Variants in PDE4D observed in about 807,000 individuals in gnomAD.
PDE4D encodes 3',5'-cyclic-AMP phosphodiesterase 4D.
A neutral mutation model predicts 87.4 loss-of-function variants in PDE4D; 24 were observed. The ratio of observed to expected loss-of-function variants is 0.27; its 90% CI spans 0.20 to 0.39. The LOEUF (loss-of-function observed/expected upper bound fraction) is 0.39, where lower values mean the gene tolerates loss of function less well. PDE4D is among the 10% of genes least tolerant of loss of function. The pLI, the probability that PDE4D is intolerant of heterozygous loss-of-function variation, is 1.00. For missense variants in PDE4D, 714 were observed against 1,041.0 expected (o/e 0.69, Z 4.32); for synonymous variants, 384 against 383.2 (o/e 1.00, Z -0.02).
At chr5:59,451,092 C>T (rs1458480735) in intron 1 of PDE4D, among the ~76,000 whole-genome samples, 3 of 152,196 alleles carry the variant, frequency 2.0e-5, no homozygotes, top group African/African-American at 4.8e-5. Context: ...TATGCTCCTA[C>T]TATATGGAAA....
At chr5:60,249,515 G>T (rs1461956787) in intron 1 of PDE4D, among the ~76,000 whole-genome samples, 1 of 151,998 alleles carries the variant, frequency 6.6e-6, no homozygotes, top group Non-Finnish European at 1.5e-5. Context: ...CATGTAGCCT[G>T]CATGCAATAT....
chr5:59,263,979 C>T (rs1388058370), intron 1 of PDE4D, among the ~76,000 whole-genome samples: 1 of 151,814 alleles, frequency 6.6e-6, no homozygotes, highest in Non-Finnish European at 1.5e-5. Context: ...TTTCTGTTTA[C>T]AATATTTATA....
At chr5:59,201,234 AAT>A (rs563290176) in intron 2 of PDE4D, among the ~76,000 whole-genome samples, 1 of 152,272 alleles carries the variant, frequency 6.6e-6, no homozygotes, top group Non-Finnish European at 1.5e-5. Context: ...GACAAAGGTA[AAT>A]ATTAAAATGC....
chr5:59,400,446 A>T (rs1790373466), intron 1 of PDE4D, among the ~76,000 whole-genome samples: 1 of 147,918 alleles, frequency 6.8e-6, no homozygotes. Flanking sequence ...ACATGGATGA[A>T]ATTGGAAATC....
chr5:60,114,180 G>T (rs184577987), intron 2 of PDE4D, among the ~76,000 whole-genome samples: 1 of 152,036 alleles, frequency 6.6e-6, no homozygotes, highest in Admixed American at 6.6e-5. Context: ...GTACACAATG[G>T]ATGTTCACAT....
chr5:59,625,504 T>C (rs890349759), intron 1 of PDE4D, among the ~76,000 whole-genome samples: 1 of 142,078 alleles, frequency 7.0e-6, no homozygotes, highest in Non-Finnish European at 1.5e-5. Flanking sequence ...GCTGCGACAT[T>C]AAAAAAAAAA....
rs143499479 is a variant in PDE4D, at chr5:60,432,020, C to T, written c.-90+55922G>A. 3.0e-4 allele frequency among the ~76,000 whole-genome samples: 45 copies of T among 152,234 alleles called. No homozygotes were observed. The East Asian group carries it at 7.7e-3, about 26-fold the overall frequency. On this transcript the variant is annotated intron_variant, in intron 1 of 16. Transcript: ENST00000502484. ...AGGTTGCAGTGAGCCGAGGTGGCAGCAGTACAGTCCAGCTTCAGCTCGGCA... is the reference window on the plus strand; with the variant it reads ...AGGTTGCAGTGAGCCGAGGTGGCAGTAGTACAGTCCAGCTTCAGCTCGGCA...
intron 1 of PDE4D, among the ~76,000 whole-genome samples, chr5:59,841,187 C>A (rs1251793329): frequency 6.6e-6 from 1 of 152,002 alleles, no homozygotes; most frequent in African/African-American, 2.4e-5. Context: ...TCTTTGCTTT[C>A]TTGATGAAGA....
chr5:59,604,170 A>G (rs1827879601), intron 1 of PDE4D, among the ~76,000 whole-genome samples: 1 of 152,054 alleles, frequency 6.6e-6, no homozygotes, highest in African/African-American at 2.4e-5. Flanking sequence ...TTTTAGTATC[A>G]TCGGACAGAC....
At chr5:59,164,866 A>G (rs984172985) in intron 5 of PDE4D, 13 of 152,110 alleles carry the variant, frequency 8.5e-5, no homozygotes, top group African/African-American at 3.1e-4. Flanking sequence ...GAGATGACAG[A>G]TTTAGAGACA....
intron 1 of PDE4D, among the ~76,000 whole-genome samples, chr5:60,272,487 G>A (rs1463402001): frequency 6.6e-6 from 1 of 152,210 alleles, no homozygotes; most frequent in Non-Finnish European, 1.5e-5. Context: ...GATCACACAG[G>A]TCTGCAGATC....
At chr5:60,174,749 A>G (rs557746940) in intron 2 of PDE4D, among the ~76,000 whole-genome samples, 1 of 152,224 alleles carries the variant, frequency 6.6e-6, no homozygotes, top group South Asian at 2.1e-4. Flanking sequence ...CTTCTTGCTC[A>G]CAACATTTCT....
rs540609265 is a variant in PDE4D at position 59,793,768 on chromosome 5, A to C, written c.455+99400T>G. ...TCTGATCAACACCTGCCTATTCAAC[A>C]TTTATCTATATATGAAATGGCTTTT... On this transcript the variant is annotated intron_variant, in intron 1 of 14. Coordinates refer to ENST00000340635, the MANE Select transcript of PDE4D (RefSeq NM_001104631.2). Among the ~76,000 whole-genome samples the C allele has an allele frequency of 4.3e-4, 65 of 152,354 alleles. 1 individual carries two copies. The South Asian group carries it at 0.013, about 31-fold the overall frequency.
chr5:59,320,892 T>A (rs561437786), intron 1 of PDE4D, among the ~76,000 whole-genome samples: 119 of 152,146 alleles, frequency 7.8e-4, no homozygotes, highest in Middle Eastern at 3.4e-3. Context: ...TTGTTGAAGC[T>A]TTTTGTTGTT....
Position 60,101,691 on chromosome 5 carries a change from G to A in PDE4D, c.42+83866C>T, listed in dbSNP as rs1043289805. 4.6e-5 allele frequency among the ~76,000 whole-genome samples: 7 copies of A among 152,190 alleles called. No individual in the cohort carries two copies. The South Asian group carries it at 1.5e-3, about 32-fold the overall frequency. On this transcript the variant is annotated intron_variant, in intron 2 of 16. Transcript: ENST00000502484. ...GCCTAAGTAGAATCTTAGAAGCTAGGAGCTGAATTCTGAATCATTTAGTGG... is the reference window on the plus strand; with the variant it reads ...GCCTAAGTAGAATCTTAGAAGCTAGAAGCTGAATTCTGAATCATTTAGTGG...
intron 2 of PDE4D, among the ~76,000 whole-genome samples, chr5:59,211,083 A>C (rs964253906): frequency 1.3e-5 from 2 of 152,188 alleles, no homozygotes; most frequent in Non-Finnish European, 2.9e-5. Context: ...ATGTTACTTC[A>C]TGACACCACT....
intron 1 of PDE4D, among the ~76,000 whole-genome samples, chr5:59,862,744 C>T (rs186221255): frequency 7.1e-4 from 108 of 152,164 alleles, no homozygotes; most frequent in Non-Finnish European, 1.2e-3. Context: ...TTTTTTCCTG[C>T]GGAAAAGTTT....
At chr5:60,151,563 T>C in intron 2 of PDE4D, among the ~76,000 whole-genome samples, 1 of 152,216 alleles carries the variant, frequency 6.6e-6, no homozygotes, top group Non-Finnish European at 1.5e-5. Flanking sequence ...TCATTGTTAG[T>C]GTACAGATAC....
intron 1 of PDE4D, among the ~76,000 whole-genome samples, chr5:59,648,452 C>A (rs1290323244): frequency 3.3e-5 from 5 of 151,980 alleles, no homozygotes; most frequent in African/African-American, 7.3e-5. Flanking sequence ...CCTATGGATA[C>A]CTTAGTTACC....
Sources: allele counts gnomAD v4.1 joint callset (sites outside exome capture counted in the v4.1 genomes callset), GRCh38; gene constraint gnomAD v4.1.1; transcripts MANE v1.5; gene names NCBI Gene and HGNC (gene_info 2026-07-23, HGNC 2026-07-21).